The following CRISPLD2 variants were observed in gnomAD, a reference collection of about 807,000 sequenced individuals.
CRISPLD2 encodes the protein cysteine rich secretory protein LCCL domain containing 2.
Under a neutral mutation model 71.1 loss-of-function variants are expected in CRISPLD2, and 47 were observed. The observed-to-expected ratio is 0.66, with a 90% CI of 0.52 to 0.84. The LOEUF (loss-of-function observed/expected upper bound fraction) is 0.84. Ranked by LOEUF, CRISPLD2 falls within the 40% of genes least tolerant of loss-of-function variation. The probability of loss-of-function intolerance (pLI) is 0.00; values close to 1 mark genes in which losing one functional copy is unlikely to be tolerated. For missense variants in CRISPLD2, 830 were observed against 651.1 expected (o/e 1.27, Z -2.99); for synonymous variants, 317 against 250.1 (o/e 1.27, Z -2.52).
chr16:84,879,257 A>G (rs2071547218), intron 12 of CRISPLD2, among the ~76,000 whole-genome samples: 1 of 152,246 alleles, frequency 6.6e-6, no homozygotes, highest in Admixed American at 6.5e-5. Context: ...GAAAATACAA[A>G]CAGAAAAACT....
chr16:84,882,743 G>T (rs2641665), intron 13 of CRISPLD2, among the ~76,000 whole-genome samples: 90,290 of 151,558 alleles, frequency 0.6, 27,596 homozygotes, highest in East Asian at 0.85. Context: ...TATGTTTTAG[G>T]TCCTTTCTTT....
At chr16:84,844,243 GC>G (rs1916851239) in intron 2 of CRISPLD2, among the ~76,000 whole-genome samples, 1 of 152,224 alleles carries the variant, frequency 6.6e-6, no homozygotes, top group Non-Finnish European at 1.5e-5. Context: ...CAGAGTCTCT[GC>G]CCAGACCCCT....
Position 84,878,223 on chromosome 16 carries a change from C to CA in CRISPLD2, c.1229+720dup, listed in dbSNP as rs1204814297. On this transcript the variant is annotated intron_variant, in intron 12 of 14. Coordinates refer to ENST00000262424, the MANE Select transcript of CRISPLD2 (RefSeq NM_031476.4). ...TGGGTGACAGAGCGAGACTCCGTCT[C>CA]AAAAAAAGAAAAAAGTACACAATGT... 7.6e-3 allele frequency among the ~76,000 whole-genome samples: 1,149 copies of CA among 151,378 alleles called. 18 individuals carry two copies. Among genetic ancestry groups the CA allele is most frequent in the African/African-American group, 0.027 (1,109 of 40,854 alleles).
intron 1 of CRISPLD2, among the ~76,000 whole-genome samples, chr16:84,830,102 C>A (rs902771485): frequency 6.6e-6 from 1 of 152,070 alleles, no homozygotes; most frequent in Non-Finnish European, 1.5e-5. Context: ...GTGGGAGGAT[C>A]ACTTAAGCTC....
intron 14 of CRISPLD2, among the ~76,000 whole-genome samples, chr16:84,897,984 T>G (rs1035354048): frequency 6.6e-6 from 1 of 152,272 alleles, no homozygotes; most frequent in Non-Finnish European, 1.5e-5. Flanking sequence ...TGGCTAGCTC[T>G]TCAAGCCCTA....
chr16:84,854,749 C>A lies in CRISPLD2; in HGVS notation c.629C>A (p.Ala210Asp). 1 of 1,614,056 alleles carries A rather than the reference C, an allele frequency of 6.2e-7. No homozygotes were observed. The highest frequency in any genetic ancestry group is 8.5e-7 in the Non-Finnish European group (1 of 1,179,942). ...CTCAGGGGGAACTGGATTGGAGAAG[C>A]CCCCTACAAGAATGGCCGGCCCTGC... ...YSPKGNWIGE[A>D]PYKNGRPCSE... The change falls in exon 6 of 15, where the codon GCC becomes GAC. Residue 210 changes from alanine to aspartate, a missense_variant. Coordinates refer to ENST00000262424, the MANE Select transcript of CRISPLD2 (RefSeq NM_031476.4).
At chr16:84,889,106 T>G (rs764257025) in intron 13 of CRISPLD2, 124 bp from the exon 14 acceptor site, 42 of 1,178,524 alleles carry the variant, frequency 3.6e-5, no homozygotes, top group Non-Finnish European at 4.7e-5. Context: ...GATTATTTCC[T>G]AAGGGTTGAT....
At chr16:84,831,769 G>A (rs565561136) in intron 1 of CRISPLD2, among the ~76,000 whole-genome samples, 17 of 151,920 alleles carry the variant, frequency 1.1e-4, no homozygotes, top group Non-Finnish European at 2.1e-4. Context: ...GAGTCTTGCC[G>A]TGTCACCCAG....
In CRISPLD2 at chr16:84,828,781, TG is replaced by T. The variant is rs201143566; in HGVS notation, c.-75+8649del. ...CATAGTGCATTAAATAAGAGTTTGT[TG>T]AATGACTATTTTCTTTTTGTCCAGA... On this transcript the variant is annotated intron_variant, in intron 1 of 14. Coordinates refer to ENST00000262424, the MANE Select transcript of CRISPLD2 (RefSeq NM_031476.4). Among the ~76,000 whole-genome samples the T allele has an allele frequency of 5.5e-3, 839 of 152,324 alleles. 5 individuals carry two copies. Among genetic ancestry groups the T allele is most frequent in the Non-Finnish European group, 6.9e-3 (470 of 68,038 alleles).
chr16:84,896,837 TA>T (rs560802207), intron 14 of CRISPLD2, among the ~76,000 whole-genome samples: 39 of 152,354 alleles, frequency 2.6e-4, no homozygotes, highest in African/African-American at 9.1e-4. Flanking sequence ...TTACACTTTT[TA>T]AAAGCCAGAA....
At chr16:84,893,560 T>C (rs530995726) in intron 14 of CRISPLD2, among the ~76,000 whole-genome samples, 2 of 152,270 alleles carry the variant, frequency 1.3e-5, no homozygotes, top group East Asian at 3.9e-4. Flanking sequence ...ACCTCTGCCG[T>C]CATGGGATTT....
At chr16:84,868,957 T>C in intron 8 of CRISPLD2, 46 bp downstream of exon 8, 1 of 1,524,814 alleles carries the variant, frequency 6.6e-7, no homozygotes, top group East Asian at 2.3e-5. Context: ...TCTGAGTCTG[T>C]GCTGGGCTGT....
intron 1 of CRISPLD2, chr16:84,828,284 C>G (rs1166667220): frequency 1.3e-5 from 2 of 152,176 alleles, no homozygotes; most frequent in African/African-American, 4.8e-5. Flanking sequence ...TCATTAAACA[C>G]CATTAAGTTC....
intron 4 of CRISPLD2, among the ~76,000 whole-genome samples, chr16:84,850,233 G>C (rs1917047136): frequency 6.6e-6 from 1 of 152,000 alleles, no homozygotes. Context: ...TGGGACTATA[G>C]GTGCCTGCCA....
At chr16:84,893,165 C>A (rs887702354) in intron 14 of CRISPLD2, among the ~76,000 whole-genome samples, 2 of 152,020 alleles carry the variant, frequency 1.3e-5, no homozygotes, top group Admixed American at 6.6e-5. Context: ...ACTGCTCCCC[C>A]AGTCCCCAGC....
rs192534557 is a variant in CRISPLD2 at position 84,877,468 on chromosome 16, C to A, written c.1187C>A (p.Ala396Asp). The change falls in exon 12 of 15, where the codon GCT (alanine) becomes GAT (aspartate). Residue 396 changes from alanine to aspartate, a missense_variant. Physicochemically the swap from Ala to Asp is moderately radical, Grantham distance 126 (BLOSUM62 -2). Transcript: ENST00000262424. ...GATTTGGACTGCTACACGACCGTTG[C>A]TCAGCTGTGCCCGTTTGAAAAGCCA... ...VQDLDCYTTV[A>D]QLCPFEKPAT... 1.2e-5 allele frequency: 19 copies of A among 1,614,030 alleles called. No individual in the cohort carries two copies. The highest frequency in any genetic ancestry group is 8.3e-5 in the Admixed American group (5 of 60,022).
At position 84,908,164 on chromosome 16, in the gene CRISPLD2, T is replaced by C. The variant is rs2071821516; in HGVS notation, c.*1522T>C. ...TTTCTTTGATTGCCTTTCTAATAAA[T>C]GCAGAATCTGAAGGTAAATAGGTTT... On this transcript the variant is annotated 3_prime_UTR_variant, in exon 15 of 15. Transcript: ENST00000262424. 2.0e-5 allele frequency: 3 copies of C among 152,210 alleles called. No individual in the cohort carries two copies. The highest frequency in any genetic ancestry group is 4.4e-5 in the Non-Finnish European group (3 of 68,038). 9.4% of individuals were successfully genotyped at this position (152,210 alleles called of 1,614,324 possible). A position where few individuals can be genotyped will look rare whatever the true frequency, so the allele number is the denominator to read the frequency against.
At position 84,854,792 on chromosome 16, in the gene CRISPLD2, C is replaced by T; in HGVS notation, c.672C>T (p.Ser224=). 1 of 1,614,114 alleles carries T rather than the reference C, an allele frequency of 6.2e-7. No homozygotes were observed. The highest frequency in any genetic ancestry group is 1.7e-5 in the Admixed American group (1 of 60,030). ...NGRPCSECPP[S]YGGSCRNNLC... is the part of the protein sequence containing the mutation. Reference sequence around the variant, plus strand: ...GGCCCTGCTCTGAGTGCCCACCCAGCTATGGAGGCAGCTGCAGGAACAACT... The same window carrying T: ...GGCCCTGCTCTGAGTGCCCACCCAGTTATGGAGGCAGCTGCAGGAACAACT... Residue 224 remains serine (S), a synonymous_variant, in exon 6 of 15, where the codon AGC becomes AGT. Coordinates refer to ENST00000262424, the MANE Select transcript of CRISPLD2 (RefSeq NM_031476.4).
intron 8 of CRISPLD2, among the ~76,000 whole-genome samples, chr16:84,869,811 A>G (rs751625612): frequency 6.6e-6 from 1 of 152,264 alleles, no homozygotes; most frequent in East Asian, 1.9e-4. Context: ...GTGGCAACGC[A>G]TCTTTCTGAA....
Sources: allele counts gnomAD v4.1 joint callset (sites outside exome capture counted in the v4.1 genomes callset), GRCh38; gene constraint gnomAD v4.1.1; transcripts MANE v1.5; gene names NCBI Gene and HGNC (gene_info 2026-07-23, HGNC 2026-07-21).